The following NID2 variants were observed in gnomAD, a reference collection of about 807,000 sequenced individuals.
The protein encoded by NID2 is nidogen 2.
A neutral mutation model predicts 145.4 loss-of-function variants in NID2; 83 were observed. That is an observed-to-expected ratio of 0.57 (90% CI 0.48 to 0.69). The LOEUF (loss-of-function observed/expected upper bound fraction) is 0.69, where lower values mean the gene tolerates loss of function less well. NID2 is among the 30% of genes least tolerant of loss of function. The pLI, the probability that NID2 is intolerant of heterozygous loss-of-function variation, is 0.00. For missense variants in NID2, 1,807 were observed against 1,765.7 expected (o/e 1.02, Z -0.42); for synonymous variants, 739 against 701.3 (o/e 1.05, Z -0.85).
intron 10 of NID2, among the ~76,000 whole-genome samples, chr14:52,029,139 T>C (rs1007448120): frequency 5.9e-5 from 9 of 152,262 alleles, no homozygotes; most frequent in African/African-American, 2.2e-4. Flanking sequence ...AACCAACAAT[T>C]TTTTTTAATA....
chr14:52,046,504 GGA>G (rs748171881), intron 5 of NID2, among the ~76,000 whole-genome samples: 1 of 152,116 alleles, frequency 6.6e-6, no homozygotes, highest in South Asian at 2.1e-4. Flanking sequence ...TATGAAACAA[GGA>G]GAGAGAAGAT....
rs780569116 is a variant in NID2, at chr14:52,042,946, A to C, written c.1430-15T>G. The C allele has an allele frequency of 6.2e-7, 1 of 1,613,924 alleles. No homozygotes were observed. Among genetic ancestry groups the C allele is most frequent in the East Asian group, 2.2e-5 (1 of 44,888 alleles). On this transcript the variant is annotated splice_polypyrimidine_tract_variant and intron_variant, in intron 5 of 21. Coordinates refer to ENST00000216286, the MANE Select transcript of NID2 (RefSeq NM_007361.4). The stretch of plus-strand genomic sequence containing the variant: ...ATACGTGAAGACTGAAAAATAAAAC[A>C]AACTTGCCTTAAAAGGACTAAATGA...
chr14:52,006,332 C>A (rs1594993423), intron 20 of NID2: 1 of 550,766 alleles, frequency 1.8e-6, no homozygotes, highest in Non-Finnish European at 3.2e-6. Context: ...CATTCGATTT[C>A]TGGGTGAAGT....
In NID2 at chr14:52,011,626, C is replaced by T; in HGVS notation, c.3478G>A (p.Asp1160Asn). Residue 1160 changes from aspartate to asparagine, a missense_variant, in exon 17 of 22, where the codon GAT (aspartate) becomes AAT (asparagine). Transcript: ENST00000216286. ...DCRERMVYWT[D>N]VAGRTISRAG... is the part of the protein sequence containing the mutation. ...CGGCTGATTGTCCGTCCAGCAACAT[C>T]TGTCCAGTACACCATCCTCTCCCGG... 6.2e-7 allele frequency: 1 copy of T among 1,614,260 alleles called. No homozygotes were observed. Among genetic ancestry groups the T allele is most frequent in the East Asian group, 2.2e-5 (1 of 44,892 alleles).
intron 12 of NID2, 54 bp downstream of exon 12, chr14:52,027,147 G>A (rs1327006673): frequency 4.2e-6 from 6 of 1,423,696 alleles, no homozygotes; most frequent in African/African-American, 3.0e-5. Flanking sequence ...TCTATGTGGG[G>A]ATGTGCATCC....
At chr14:52,013,937 T>G (rs1299345225) in intron 16 of NID2, among the ~76,000 whole-genome samples, 1 of 152,240 alleles carries the variant, frequency 6.6e-6, no homozygotes, top group African/African-American at 2.4e-5. Flanking sequence ...AGGATTTCCA[T>G]GGAGATGTTA....
chr14:52,036,122 T>C lies in NID2; in HGVS notation c.2257+2625A>G, dbSNP rs192125162. 3.9e-3 allele frequency among the ~76,000 whole-genome samples: 589 copies of C among 152,196 alleles called. 3 individuals carry two copies. The highest frequency in any genetic ancestry group is 0.014 in the African/African-American group (568 of 41,518). ...GTCACCACAATCAATTTCAGAACAT[T>C]TTCATCACCCCCAAAATTAACCCTG... On this transcript the variant is annotated intron_variant, in intron 9 of 21. Coordinates refer to ENST00000216286, the MANE Select transcript of NID2 (RefSeq NM_007361.4).
rs1323292251 is a variant in NID2, at chr14:52,020,094, G to T, written c.2759C>A (p.Pro920His). The stretch of plus-strand genomic sequence containing the variant: ...CTGAAATCCATCCCCATAATATCCG[G>T]GTTGACAACGGCAGGAGAAGGAACC... ...TPGSFSCRCQ[P>H]GYYGDGFQCI... The change falls in exon 13 of 22, where the codon CCC becomes CAC. Residue 920 changes from proline (P) to histidine (H), a missense_variant. Transcript: ENST00000216286. 2.5e-6 allele frequency: 4 copies of T among 1,614,006 alleles called. No homozygotes were observed. Among genetic ancestry groups the T allele is most frequent in the African/African-American group, 2.7e-5 (2 of 74,940 alleles).
chr14:52,060,410 A>G (rs571142278), intron 2 of NID2, 54 bp from the exon 3 acceptor site: 1 of 982,728 alleles, frequency 1.0e-6, no homozygotes. Context: ...CATCCTGTAA[A>G]AAACAAATAA....
At chr14:52,040,155 G>A (rs760366122) in intron 8 of NID2, among the ~76,000 whole-genome samples, 2 of 151,940 alleles carry the variant, frequency 1.3e-5, no homozygotes, top group Non-Finnish European at 2.9e-5. Context: ...TGGCCAGGCT[G>A]GTCTTGAACT....
At chr14:52,046,262 G>A (rs866679555) in intron 5 of NID2, among the ~76,000 whole-genome samples, 1 of 144,630 alleles carries the variant, frequency 6.9e-6, no homozygotes, top group South Asian at 2.3e-4. Context: ...GGCGGAGCTT[G>A]CAGTGAGCCG....
chr14:52,044,977 C>T (rs1366198036), intron 5 of NID2, among the ~76,000 whole-genome samples: 2 of 152,096 alleles, frequency 1.3e-5, no homozygotes, highest in Non-Finnish European at 2.9e-5. Flanking sequence ...TAGACTAAAG[C>T]ACCTGAAGTC....
chr14:52,006,039 T>C, intron 20 of NID2, 190 bp from the exon 21 acceptor site: 1 of 574,300 alleles, frequency 1.7e-6, no homozygotes, highest in East Asian at 3.0e-5. Flanking sequence ...TAGCTGCATG[T>C]TAGAATCACA....
chr14:52,044,694 G>C (rs1892422470), intron 5 of NID2, among the ~76,000 whole-genome samples: 5 of 152,182 alleles, frequency 3.3e-5, no homozygotes, highest in African/African-American at 7.2e-5. Flanking sequence ...CTCACTGAAA[G>C]CTCGACTTCC....
intron 5 of NID2, among the ~76,000 whole-genome samples, chr14:52,046,109 G>A (rs1419319930): frequency 1.3e-5 from 2 of 152,108 alleles, no homozygotes; most frequent in Non-Finnish European, 2.9e-5. Context: ...GGATCACGAG[G>A]TCAGGAGACT....
In NID2 at chr14:52,027,340, G is replaced by A. The variant is rs1250386004; in HGVS notation, c.2535C>T (p.Ile845=). ...CCTCACAGGGGTTGGCAGGTGGGGT[G>A]ATCACTGAAAAGAGAAGAAGATAAG... ...FADDRHTCIL[I]TPPANPCEDG... Residue 845 remains isoleucine, a synonymous_variant, in exon 12 of 22, where the codon ATC becomes ATT. Transcript: ENST00000216286. 1.3e-6 allele frequency: 2 copies of A among 1,561,498 alleles called. No individual in the cohort carries two copies. Among genetic ancestry groups the A allele is most frequent in the East Asian group, 2.4e-5 (1 of 41,054 alleles).
chr14:52,015,366 C>T (rs79628514), intron 14 of NID2, 91 bp from the exon 15 acceptor site: 3 of 1,233,802 alleles, frequency 2.4e-6, no homozygotes, highest in South Asian at 3.0e-5. Context: ...CATGCCTGGC[C>T]TCCTGGCCTT....
chr14:52,038,140 A>G (rs1256350602), intron 9 of NID2, among the ~76,000 whole-genome samples: 2 of 152,326 alleles, frequency 1.3e-5, no homozygotes, highest in Admixed American at 1.3e-4. Flanking sequence ...GAATTGAATA[A>G]AAGTGGCAAC....
chr14:52,015,203 G>A lies in NID2; in HGVS notation c.3101C>T (p.Pro1034Leu). The A allele has an allele frequency of 6.2e-7, 1 of 1,613,638 alleles. No individual in the cohort carries two copies. The highest frequency in any genetic ancestry group is 1.3e-5 in the African/African-American group (1 of 74,860). ...ENLLEHYGGT[P>L]RDDQYVPQCD... ...CTGGGGCACGTACTGGTCATCCCGG[G>A]GGGTGCCACCGTAGTGCTCCAGCAG... The change falls in exon 15 of 22, where the codon CCC becomes CTC. Residue 1034 changes from proline to leucine, a missense_variant. By Grantham distance (98) the Pro-to-Leu change is moderately conservative (BLOSUM62 -3). Coordinates refer to ENST00000216286, the MANE Select transcript of NID2 (RefSeq NM_007361.4).
Sources: gnomAD v4.1 joint callset for allele counts (sites outside exome capture counted in the v4.1 genomes callset) on GRCh38, gnomAD v4.1.1 for gene constraint, MANE v1.5 for transcripts, NCBI Gene and HGNC (gene_info 2026-07-23, HGNC 2026-07-21) for gene names.